The following BFSP1 variants were observed in gnomAD, a reference collection of about 807,000 sequenced individuals.
BFSP1 encodes the protein filensin.
Under a neutral mutation model 43.9 loss-of-function variants are expected in BFSP1, and 38 were observed. The ratio of observed to expected loss-of-function variants is 0.87; its 90% CI spans 0.67 to 1.14. The LOEUF (loss-of-function observed/expected upper bound fraction) is 1.14, where lower values mean the gene tolerates loss of function less well. Ranked by LOEUF, BFSP1 falls within the 50% of genes most tolerant of loss-of-function variation. The pLI, the probability that BFSP1 is intolerant of heterozygous loss-of-function variation, is 0.00. For synonymous variants in BFSP1, 352 were observed against 354.8 expected, an observed-to-expected ratio of 0.99 and a Z score of 0.09; for missense variants, 850 against 875.1, an observed-to-expected ratio of 0.97 and a Z score of 0.36.
In BFSP1 at chr20:17,531,255, G is replaced by T; in HGVS notation, c.75C>A (p.Ala25=). 1 of 1,431,688 alleles carries T rather than the reference G, an allele frequency of 7.0e-7. No homozygotes were observed. 88.7% of individuals were successfully genotyped at this position (1,431,688 alleles called of 1,614,324 possible). Residue 25 remains alanine, a synonymous_variant, in exon 1 of 8, where the codon GCC becomes GCA. Coordinates refer to ENST00000377873, the MANE Select transcript of BFSP1 (RefSeq NM_001195.5). ...CCTCGTCGGCCGGGCGCTCGGGCTC[G>T]GCGGCGCGCGAAGCCTCGTCGGCGT... The part of the protein sequence containing the change: ...YEHADEASRA[A]EPERPADEGW...
intron 5 of BFSP1, among the ~76,000 whole-genome samples, chr20:17,499,746 A>G (rs1396415250): frequency 2.0e-5 from 3 of 152,024 alleles, no homozygotes; most frequent in Non-Finnish European, 4.4e-5. Flanking sequence ...ACATAGTGAA[A>G]CCCCATCTCT....
upstream of BFSP1, among the ~76,000 whole-genome samples, chr20:17,531,832 T>C (rs1286077224): frequency 6.6e-6 from 1 of 152,126 alleles, no homozygotes; most frequent in Non-Finnish European, 1.5e-5. Context: ...TTTTTTTTTC[T>C]TTTGGTCTTT....
intron 5 of BFSP1, among the ~76,000 whole-genome samples, chr20:17,500,692 C>A (rs1416930855): frequency 1.3e-5 from 2 of 152,138 alleles, no homozygotes; most frequent in Non-Finnish European, 2.9e-5. Flanking sequence ...CGCCGCATTA[C>A]CCCAGCCGCA....
chr20:17,529,064 A>AGTGT (rs11473581), intron 1 of BFSP1, among the ~76,000 whole-genome samples: 2,953 of 147,180 alleles, frequency 0.02, 43 homozygotes, highest in African/African-American at 0.044. Flanking sequence ...TGGTTAAATA[A>AGTGT]GTGTGTGTGT....
intron 1 of BFSP1, among the ~76,000 whole-genome samples, chr20:17,557,011 A>G (rs1478632772): frequency 6.6e-6 from 1 of 152,096 alleles, no homozygotes; most frequent in East Asian, 1.9e-4. Flanking sequence ...CCTGGCAGCC[A>G]GCGAGGTGAT....
upstream of BFSP1, chr20:17,560,312 A>G (rs927949296): frequency 6.6e-6 from 1 of 152,148 alleles, no homozygotes; most frequent in Non-Finnish European, 1.5e-5. Flanking sequence ...CCATATTCAT[A>G]TTTGCCAACA....
chr20:17,545,999 A>G (rs1472907744), intron 1 of BFSP1, among the ~76,000 whole-genome samples: 1 of 152,102 alleles, frequency 6.6e-6, no homozygotes, highest in Admixed American at 6.6e-5. Context: ...CTTTCATCAC[A>G]CTTTACCACT....
At chr20:17,520,210 G>GCCCCCCCCCCCCCCCCCCCCCC (rs138070825) in intron 2 of BFSP1, among the ~76,000 whole-genome samples, 9 of 133,422 alleles carry the variant, frequency 6.7e-5, no homozygotes, top group Admixed American at 1.6e-4. Context: ...GTTTTAACGT[G>GCCCCCCCCCCCCCCCCCCCCCC]CCCCCCCACC....
Position 17,494,854 on chromosome 20 carries a change from C to T in BFSP1, c.1218G>A (p.Glu406=), listed in dbSNP as rs2123445683. The T allele has an allele frequency of 1.9e-6, 3 of 1,614,220 alleles. No individual in the cohort carries two copies. The highest frequency in any genetic ancestry group is 2.5e-6 in the Non-Finnish European group (3 of 1,180,044). ...DTKLVQVVLK[E]ESESKFESES... is the part of the protein sequence containing the mutation. Reference sequence around the variant, plus strand: ...CTGATTCAAACTTAGATTCACTTTCCTCTTTAAGTACCACCTGTACCAGCT... The same window carrying T: ...CTGATTCAAACTTAGATTCACTTTCTTCTTTAAGTACCACCTGTACCAGCT... The change falls in exon 8 of 8, where the codon GAG becomes GAA. Residue 406 remains glutamate (E), a synonymous_variant. Transcript: ENST00000377873.
chr20:17,544,365 G>T (rs2034767798), intron 1 of BFSP1, among the ~76,000 whole-genome samples: 1 of 152,220 alleles, frequency 6.6e-6, no homozygotes, highest in South Asian at 2.1e-4. Context: ...ACAGAAAGTG[G>T]CAGATGGTTT....
At chr20:17,529,064 A>AGTGTGTGTGTGTGTGTGTGTGT (rs11473581) in intron 1 of BFSP1, among the ~76,000 whole-genome samples, 25 of 147,208 alleles carry the variant, frequency 1.7e-4, no homozygotes, top group Middle Eastern at 3.4e-3. Context: ...TGGTTAAATA[A>AGTGTGTGTGTGTGTGTGTGTGT]GTGTGTGTGT....
At chr20:17,521,752 G>A (rs2034323565) in intron 2 of BFSP1, among the ~76,000 whole-genome samples, 1 of 152,194 alleles carries the variant, frequency 6.6e-6, no homozygotes, top group South Asian at 2.1e-4. Context: ...GTGATCCCAG[G>A]AAGCACAGGT....
intron 1 of BFSP1, among the ~76,000 whole-genome samples, chr20:17,537,062 T>G (rs991989178): frequency 6.6e-6 from 1 of 152,294 alleles, no homozygotes; most frequent in East Asian, 1.9e-4. Context: ...GCTCTAACAC[T>G]CTGACTCTGC....
chr20:17,566,238 T>C (rs1400814958), intron 1 of BFSP1, among the ~76,000 whole-genome samples: 2 of 151,832 alleles, frequency 1.3e-5, no homozygotes, highest in African/African-American at 4.8e-5. Context: ...TTGACAGTGT[T>C]ATGTCTCCCA....
chr20:17,556,988 C>T (rs1002325098), intron 1 of BFSP1, among the ~76,000 whole-genome samples: 1 of 152,060 alleles, frequency 6.6e-6, no homozygotes, highest in African/African-American at 2.4e-5. Flanking sequence ...TGGCTCAGGG[C>T]CCAGGCTCTC....
At chr20:17,548,540 A>T (rs1045229464) in intron 1 of BFSP1, among the ~76,000 whole-genome samples, 1 of 152,194 alleles carries the variant, frequency 6.6e-6, no homozygotes, top group Non-Finnish European at 1.5e-5. Context: ...TGGAGGTCCC[A>T]AGATAACTTG....
At chr20:17,505,814 C>T (rs2033922780) in intron 5 of BFSP1, among the ~76,000 whole-genome samples, 1 of 152,166 alleles carries the variant, frequency 6.6e-6, no homozygotes, top group Admixed American at 6.5e-5. Context: ...CCGGGCCACA[C>T]CCCAGACCCA....
intron 1 of BFSP1, among the ~76,000 whole-genome samples, chr20:17,526,223 T>C (rs1298224912): frequency 1.4e-5 from 2 of 140,100 alleles, no homozygotes; most frequent in African/African-American, 5.6e-5. Flanking sequence ...TAGTTTGTGA[T>C]AGTAAATATA....
rs116760631 is a variant in BFSP1, at chr20:17,503,808, C to T, written c.736-4768G>A. On this transcript the variant is annotated intron_variant, in intron 5 of 7. Transcript: ENST00000377873. ...TTCCCACACAGCAACAGGCCAACAC[C>T]AGCCTGTTCTCTCTGAAGACATGGG... 1.8e-3 allele frequency among the ~76,000 whole-genome samples: 272 copies of T among 152,342 alleles called. 1 individual carries two copies. The highest frequency in any genetic ancestry group is 6.1e-3 in the African/African-American group (252 of 41,568).
Sources: gnomAD v4.1 joint callset for allele counts (sites outside exome capture counted in the v4.1 genomes callset) on GRCh38, gnomAD v4.1.1 for gene constraint, MANE v1.5 for transcripts, NCBI Gene and HGNC (gene_info 2026-07-23, HGNC 2026-07-21) for gene names.